Variants in PARD3 observed in about 807,000 individuals in gnomAD.
The protein encoded by PARD3 is partitioning defective 3 homolog.
In PARD3, 75 loss-of-function variants were observed where a neutral mutation model predicts 155.4. That is an observed-to-expected ratio of 0.48 (90% CI 0.40 to 0.58). The LOEUF is 0.58. PARD3 is among the 20% of genes least tolerant of loss of function. PARD3 has a pLI of 0.00. For missense variants in PARD3, 1,642 were observed against 1,721.7 expected (o/e 0.95, Z 0.82); for synonymous variants, 576 against 610.5 (o/e 0.94, Z 0.83).
intron 22 of PARD3, among the ~76,000 whole-genome samples, chr10:34,196,284 A>G (rs948881460): frequency 2.6e-5 from 4 of 152,182 alleles, no homozygotes; most frequent in African/African-American, 9.6e-5. Context: ...CTTTGAATAG[A>G]GTGCTTTAAG....
intron 2 of PARD3, among the ~76,000 whole-genome samples, chr10:34,693,145 C>G (rs760687276): frequency 2.0e-4 from 31 of 152,122 alleles, no homozygotes; most frequent in Non-Finnish European, 3.5e-4. Context: ...TTATACGCTG[C>G]TGGTGGGAAT....
intron 20 of PARD3, among the ~76,000 whole-genome samples, chr10:34,291,782 C>T (rs769798487): frequency 3.3e-5 from 5 of 152,228 alleles, no homozygotes; most frequent in African/African-American, 4.8e-5. Flanking sequence ...TGCACTGGCT[C>T]ATGCCTGTAA....
intron 2 of PARD3, among the ~76,000 whole-genome samples, chr10:34,617,337 A>T (rs1564422274): frequency 6.6e-6 from 1 of 152,198 alleles, no homozygotes; most frequent in Non-Finnish European, 1.5e-5. Flanking sequence ...GAGACTGGGA[A>T]GGGGAAGGTA....
intron 5 of PARD3, among the ~76,000 whole-genome samples, chr10:34,449,794 A>G (rs183830959): frequency 3.3e-5 from 5 of 152,312 alleles, no homozygotes; most frequent in Admixed American, 6.5e-5. Flanking sequence ...GAAACAGATA[A>G]CTCTAAAGAC....
At chr10:34,594,417 T>A (rs1004829915) in intron 2 of PARD3, among the ~76,000 whole-genome samples, 1 of 152,198 alleles carries the variant, frequency 6.6e-6, no homozygotes, top group South Asian at 2.1e-4. Context: ...CCAATATTTT[T>A]ATTAACTGTG....
intron 1 of PARD3, among the ~76,000 whole-genome samples, chr10:34,760,556 T>C: frequency 6.6e-6 from 1 of 152,304 alleles, no homozygotes; most frequent in East Asian, 1.9e-4. Context: ...TTTCTAGAAC[T>C]CCTGACCTCA....
intron 23 of PARD3, among the ~76,000 whole-genome samples, chr10:34,124,132 G>T (rs1564411572): frequency 6.6e-6 from 1 of 152,136 alleles, no homozygotes; most frequent in Non-Finnish European, 1.5e-5. Context: ...ACTTTGAGCA[G>T]ATTTTCTCCT....
chr10:34,481,676 C>T (rs928610308), intron 3 of PARD3, among the ~76,000 whole-genome samples: 1 of 152,134 alleles, frequency 6.6e-6, no homozygotes, highest in African/African-American at 2.4e-5. Context: ...GAGCTACCAT[C>T]CAGCTACTTC....
At chr10:34,304,519 T>C (rs770911175) in intron 20 of PARD3, among the ~76,000 whole-genome samples, 12 of 152,164 alleles carry the variant, frequency 7.9e-5, no homozygotes, top group Non-Finnish European at 1.6e-4. Flanking sequence ...CCATGTCGCA[T>C]AGCAATCTTG....
At chr10:34,605,624 CTATATATATATATCTCCTA>C in intron 2 of PARD3, among the ~76,000 whole-genome samples, 2 of 24,288 alleles carry the variant, frequency 8.2e-5, no homozygotes, top group South Asian at 9.9e-4. Context: ...TATATATCTC[CTATATATATATATCTCCTA>C]TATATATATA....
chr10:34,677,801 C>A (rs890122766), intron 2 of PARD3, among the ~76,000 whole-genome samples: 1 of 152,042 alleles, frequency 6.6e-6, no homozygotes, highest in East Asian at 1.9e-4. Flanking sequence ...GAAAGACCAC[C>A]GGAGGGCACA....
chr10:34,252,375 A>T (rs1415933301), intron 22 of PARD3, among the ~76,000 whole-genome samples: 2 of 150,498 alleles, frequency 1.3e-5, no homozygotes, highest in Non-Finnish European at 2.9e-5. Flanking sequence ...TGGGCTGCCA[A>T]CCAACTTGTT....
rs2249385 is a variant in PARD3, at chr10:34,412,633, G to A, written c.715-10716C>T. ...GAAATGAATTAAATGCTGGGAAATC[G>A]TTTCATTAGATTTAATAACCATATC... On this transcript the variant is annotated intron_variant, in intron 5 of 24. Coordinates refer to ENST00000374788, the MANE Select transcript of PARD3 (RefSeq NM_001184785.2). 5.3e-4 allele frequency among the ~76,000 whole-genome samples: 80 copies of A among 152,244 alleles called. No individual in the cohort carries two copies. In the East Asian group the frequency reaches 6.8e-3, roughly 13 times the overall value.
intron 1 of PARD3, among the ~76,000 whole-genome samples, chr10:34,744,022 C>T (rs1369804879): frequency 2.0e-5 from 3 of 152,096 alleles, no homozygotes; most frequent in Non-Finnish European, 2.9e-5. Flanking sequence ...CACTCTGAGC[C>T]CGTGAAAGAA....
chr10:34,711,539 C>G (rs999813255), intron 1 of PARD3, among the ~76,000 whole-genome samples: 1 of 152,032 alleles, frequency 6.6e-6, no homozygotes, highest in African/African-American at 2.4e-5. Flanking sequence ...AAATATTTAC[C>G]TAGAACACAT....
intron 1 of PARD3, among the ~76,000 whole-genome samples, chr10:34,733,117 A>G (rs948973273): frequency 1.3e-5 from 2 of 152,222 alleles, no homozygotes; most frequent in African/African-American, 4.8e-5. Context: ...CTATCAATGG[A>G]AAACATAAAA....
At chr10:34,715,195 A>C (rs545796662) in intron 1 of PARD3, among the ~76,000 whole-genome samples, 22 of 151,618 alleles carry the variant, frequency 1.5e-4, no homozygotes, top group Admixed American at 5.9e-4. Flanking sequence ...CACCTGCCTC[A>C]GCCTTCCAAG....
At chr10:34,589,636 C>CAAAAAAAA (rs35357373) in intron 2 of PARD3, among the ~76,000 whole-genome samples, 1 of 84,300 alleles carries the variant, frequency 1.2e-5, no homozygotes, top group Non-Finnish European at 2.3e-5. Flanking sequence ...AGTACATGTC[C>CAAAAAAAA]AAAAAAAAAA....
rs147744380 is a variant in PARD3, at chr10:34,461,707, T to C, written c.582+8378A>G. Among the ~76,000 whole-genome samples the C allele has an allele frequency of 7.6e-3, 1,158 of 152,358 alleles. 16 individuals carry two copies. The highest frequency in any genetic ancestry group is 0.026 in the African/African-American group (1,061 of 41,594). On this transcript the variant is annotated intron_variant, in intron 4 of 24. Transcript: ENST00000374788. ...TACGCAAAATTTTGTTCTATATAAT[T>C]TAATCAATGATACTTCCTGGTTCTC... is the stretch of plus-strand genomic sequence containing the variant.
Sources: allele counts gnomAD v4.1 joint callset (sites outside exome capture counted in the v4.1 genomes callset), GRCh38; gene constraint gnomAD v4.1.1; transcripts MANE v1.5; gene names NCBI Gene and HGNC (gene_info 2026-07-23, HGNC 2026-07-21).